ROBO3: variants seen among roughly 807,000 people sequenced by gnomAD.
The protein encoded by ROBO3 is roundabout homolog 3.
In ROBO3, 97 loss-of-function variants were observed where a neutral mutation model predicts 160.5. The observed-to-expected ratio is 0.60, with a 90% CI of 0.51 to 0.72. The LOEUF (loss-of-function observed/expected upper bound fraction) is 0.72. ROBO3 is among the 30% of genes least tolerant of loss of function. ROBO3 has a pLI of 0.00. For synonymous variants in ROBO3, 780 were observed against 746.2 expected (o/e 1.05, Z -0.74); for missense variants, 1,858 against 1,846.5 (o/e 1.01, Z -0.11).
rs762390813 is a variant in ROBO3, at chr11:124,877,880, C to G, written c.2987-57C>G. Reference sequence around the variant, plus strand: ...GTGGGATTTCCCTTTGTCTTCCATTCTGTTGTCCTCTATGTTTCTGTCTCT... The same window carrying G: ...GTGGGATTTCCCTTTGTCTTCCATTGTGTTGTCCTCTATGTTTCTGTCTCT... On this transcript the variant is annotated intron_variant, in intron 20 of 27. Coordinates refer to ENST00000397801, the MANE Select transcript of ROBO3 (RefSeq NM_022370.4). 10 of 1,290,590 alleles carry G rather than the reference C, an allele frequency of 7.7e-6. No individual in the cohort carries two copies. The African/African-American group carries it at 1.5e-4, about 19-fold the overall frequency. 79.9% of individuals were successfully genotyped at this position (1,290,590 alleles called of 1,614,324 possible).
Position 124,869,399 on chromosome 11 carries a change from AGTTAT to A in ROBO3, c.488-48_488-44del. On this transcript the variant is annotated intron_variant, in intron 2 of 27. Transcript: ENST00000397801. This position sits in a 1 kb window ranked among gnomAD's most constrained non-coding sequence, Gnocchi z 4.2. ...CAACACTTTCCCTGTGTCCTCAGCCAGTTATGTCACTCTACACCCTGCTTATTTCG... is the reference window on the plus strand; with the variant it reads ...CAACACTTTCCCTGTGTCCTCAGCCAGTCACTCTACACCCTGCTTATTTCG... 1 of 1,460,488 alleles carries A rather than the reference AGTTAT, an allele frequency of 6.8e-7. No individual in the cohort carries two copies. Among genetic ancestry groups the A allele is most frequent in the Non-Finnish European group, 9.4e-7 (1 of 1,066,310 alleles). The allele number at this position is 1,460,488 out of a possible 1,614,324, so 90.5% of individuals were successfully genotyped here.
chr11:124,878,892 A>T lies in ROBO3; in HGVS notation c.3533+96A>T. 9.1e-7 allele frequency: 1 copy of T among 1,098,414 alleles called. No homozygotes were observed. The allele number at this position is 1,098,414 out of a possible 1,614,324, so 68.0% of individuals were successfully genotyped here. On this transcript the variant is annotated intron_variant, in intron 23 of 27. Coordinates refer to ENST00000397801, the MANE Select transcript of ROBO3 (RefSeq NM_022370.4). The surrounding 1 kb of genome is among the most constrained non-coding windows in gnomAD (Gnocchi z 4.3). The stretch of plus-strand genomic sequence containing the variant: ...GGTGGATGGATGGATGGGTGGATGG[A>T]TCTGGGGTACAGAGGTCTCAGGGCT...
intron 12 of ROBO3, among the ~76,000 whole-genome samples, chr11:124,874,518 T>A (rs1346589272): frequency 6.6e-6 from 1 of 152,152 alleles, no homozygotes; most frequent in African/African-American, 2.4e-5. Flanking sequence ...TAGATAATAA[T>A]ATAGATTATT....
At position 124,872,896 on chromosome 11, in the gene ROBO3, G is replaced by A. The variant is rs1394056379; in HGVS notation, c.1343G>A (p.Gly448Glu). ...LLEIKGASLD[G>E]LPPVILQGPA... ...CTTCCTCTCTCAGCCTCTTTGGATG[G>A]GCTGCCTCCTGTCATCCTCCAGGGA... The change falls in exon 9 of 28, where the codon GGG (glycine) becomes GAG (glutamate). Residue 448 changes from glycine to glutamate, a missense_variant. Gly to Glu is a moderately conservative substitution (Grantham distance 98, BLOSUM62 -2). Coordinates refer to ENST00000397801, the MANE Select transcript of ROBO3 (RefSeq NM_022370.4). This position sits in a 1 kb window ranked among gnomAD's most constrained non-coding sequence, Gnocchi z 4.3. 3.7e-6 allele frequency: 6 copies of A among 1,605,622 alleles called. No individual in the cohort carries two copies. Among genetic ancestry groups the A allele is most frequent in the South Asian group, 1.1e-5 (1 of 90,006 alleles).
rs771701205 is a variant in ROBO3 at position 124,869,049 on chromosome 11, G to C, written c.408G>C (p.Pro136=). 3.7e-6 allele frequency: 6 copies of C among 1,602,710 alleles called. No homozygotes were observed. The South Asian group carries it at 6.7e-5, about 18-fold the overall frequency. The part of the protein sequence containing the change: ...PRIVHGRRAR[P]DEGVYTCVAR... ...TCGTGCACGGGCGCCGCGCGCGGCCGGACGAAGGTGTCTACACTTGCGTGG... is the reference window on the plus strand; with the variant it reads ...TCGTGCACGGGCGCCGCGCGCGGCCCGACGAAGGTGTCTACACTTGCGTGG... The change falls in exon 2 of 28, where the codon CCG becomes CCC. Residue 136 remains proline (P), a synonymous_variant. Transcript: ENST00000397801. The surrounding 1 kb of genome is among the most constrained non-coding windows in gnomAD (Gnocchi z 4.2).
chr11:124,870,292 G>A lies in ROBO3; in HGVS notation c.894G>A (p.Leu298=), dbSNP rs370655252. The A allele has an allele frequency of 1.2e-6, 2 of 1,613,642 alleles. No individual in the cohort carries two copies. Among genetic ancestry groups the A allele is most frequent in the Admixed American group, 1.7e-5 (1 of 59,946 alleles). The change falls in exon 5 of 28, where the codon CTG becomes CTA. Residue 298 remains leucine (L), a synonymous_variant. Coordinates refer to ENST00000397801, the MANE Select transcript of ROBO3 (RefSeq NM_022370.4). The part of the protein sequence containing the change: ...RLRWRKEDGE[L]PTGRYEIRSD... ...GCTGGCGCAAGGAGGATGGGGAACT[G>A]CCCACAGGCAGGTGAGAGACCCCCT...
At position 124,870,140 on chromosome 11, in the gene ROBO3, C is replaced by T. The variant is rs200775540; in HGVS notation, c.767-25C>T. The T allele has an allele frequency of 7.4e-6, 12 of 1,614,040 alleles. No homozygotes were observed. In the East Asian group the frequency reaches 2.7e-4, roughly 36 times the overall value. ...GTAAGTAGCCGTGCAGACACCCTGACTGTTCACTCACTACCACTCCATAGA... is the reference window on the plus strand; with the variant it reads ...GTAAGTAGCCGTGCAGACACCCTGATTGTTCACTCACTACCACTCCATAGA... On this transcript the variant is annotated intron_variant, in intron 4 of 27. Coordinates refer to ENST00000397801, the MANE Select transcript of ROBO3 (RefSeq NM_022370.4).
rs1946263153 is a variant in ROBO3 at position 124,870,260 on chromosome 11, C to T, written c.862C>T (p.Arg288Cys). ...LCEVKGDPPP[R>C]LRWRKEDGEL... ...TGAGGTGAAGGGGGATCCCCCACCT[C>T]GTCTACGCTGGCGCAAGGAGGATGG... is the stretch of plus-strand genomic sequence containing the variant. The change falls in exon 5 of 28, where the codon CGT (arginine) becomes TGT (cysteine). Residue 288 changes from arginine to cysteine, a missense_variant. Arg to Cys is a radical substitution (Grantham distance 180). Coordinates refer to ENST00000397801, the MANE Select transcript of ROBO3 (RefSeq NM_022370.4). 6.2e-6 allele frequency: 10 copies of T among 1,613,900 alleles called. No homozygotes were observed. The highest frequency in any genetic ancestry group is 1.6e-4 in the Middle Eastern group (1 of 6,084).
chr11:124,873,994 A>G lies in ROBO3; in HGVS notation c.1785-76A>G. 6.3e-7 allele frequency: 1 copy of G among 1,595,010 alleles called. No individual in the cohort carries two copies. The highest frequency in any genetic ancestry group is 8.6e-7 in the Non-Finnish European group (1 of 1,165,728). On this transcript the variant is annotated intron_variant, in intron 11 of 27. Transcript: ENST00000397801. The surrounding 1 kb of genome is among the most constrained non-coding windows in gnomAD (Gnocchi z 4.5). ...AGGGGAAGACATAATGGTCGTTCAT[A>G]GAGAGTGGATGAGATGGAGTAGGCA...
At position 124,873,795 on chromosome 11, in the gene ROBO3, A is replaced by G. The variant is rs2135330989; in HGVS notation, c.1717A>G (p.Thr573Ala). ...VVTEITKNSI[T>A]LTWKPNPQTG... ...CACTGAGATCACCAAGAACAGCATT[A>G]CCCTGACCTGGAAGCCCAACCCACA... The change falls in exon 11 of 28, where the codon ACC becomes GCC. Residue 573 changes from threonine (T) to alanine (A), a missense_variant. By Grantham distance (58) the Thr-to-Ala change is moderately conservative. Transcript: ENST00000397801. This position sits in a 1 kb window ranked among gnomAD's most constrained non-coding sequence, Gnocchi z 4.5. 1 of 1,613,786 alleles carries G rather than the reference A, an allele frequency of 6.2e-7. No individual in the cohort carries two copies. Among genetic ancestry groups the G allele is most frequent in the Non-Finnish European group, 8.5e-7 (1 of 1,179,796 alleles).
rs1430551243 is a variant in ROBO3 at position 124,873,591 on chromosome 11, A to G, written c.1619-106A>G. The G allele has an allele frequency of 1.7e-6, 2 of 1,146,900 alleles. No homozygotes were observed. The highest frequency in any genetic ancestry group is 3.1e-5 in the African/African-American group (2 of 64,770). The allele number at this position is 1,146,900 out of a possible 1,614,324, so 71.0% of individuals were successfully genotyped here. A position where few individuals can be genotyped will look rare whatever the true frequency, so the allele number is the denominator to read the frequency against. ...GGTTCATATACTATAGCCCACTCTG[A>G]CCATCACCGCAGCTCAGAGCTCCAT... On this transcript the variant is annotated intron_variant, in intron 10 of 27. Transcript: ENST00000397801. The surrounding 1 kb of genome is among the most constrained non-coding windows in gnomAD (Gnocchi z 4.5).
At position 124,870,047 on chromosome 11, in the gene ROBO3, G is replaced by A. The variant is rs1321444262; in HGVS notation, c.745G>A (p.Ala249Thr). 1 of 1,614,046 alleles carries A rather than the reference G, an allele frequency of 6.2e-7. No homozygotes were observed. Among genetic ancestry groups the A allele is most frequent in the Non-Finnish European group, 8.5e-7 (1 of 1,179,896 alleles). Residue 249 changes from alanine to threonine, a missense_variant, in exon 4 of 28, where the codon GCA (alanine) becomes ACA (threonine). Ala to Thr is a moderately conservative substitution (Grantham distance 58). Transcript: ENST00000397801. ...SNMAGERESAAAEVMVLERPS... is the reference protein window; with the variant it reads ...SNMAGERESATAEVMVLERPS... ...CATGGCGGGAGAACGGGAGAGTGCGGCAGCTGAAGTCATGGTACTGGGTAG... is the reference window on the plus strand; with the variant it reads ...CATGGCGGGAGAACGGGAGAGTGCGACAGCTGAAGTCATGGTACTGGGTAG...
chr11:124,867,773 G>A (rs1481499512), intron 1 of ROBO3, among the ~76,000 whole-genome samples: 2 of 151,290 alleles, frequency 1.3e-5, no homozygotes, highest in Non-Finnish European at 2.9e-5. Flanking sequence ...TTTGGAACAG[G>A]GTAGGAAGGG....
chr11:124,865,589 C>T lies in ROBO3; in HGVS notation c.12C>T (p.Tyr4=). Residue 4 remains tyrosine (Y), a synonymous_variant, in exon 1 of 28, where the codon TAC becomes TAT. Coordinates refer to ENST00000397801, the MANE Select transcript of ROBO3 (RefSeq NM_022370.4). The surrounding 1 kb of genome is among the most constrained non-coding windows in gnomAD (Gnocchi z 5.5). ...AGCTGGGTCGAGCCATGCTGCGCTA[C>T]CTGCTGAAAACGCTGCTGCAGATGA... MLR[Y]LLKTLLQMNL... The T allele has an allele frequency of 6.2e-7, 1 of 1,612,038 alleles. No homozygotes were observed. The highest frequency in any genetic ancestry group is 8.5e-7 in the Non-Finnish European group (1 of 1,179,730).
rs1165880701 is a variant in ROBO3 at position 124,880,595 on chromosome 11, A to G, written c.4136A>G (p.Gln1379Arg). ...CGGAGCCAGAGCCAAAGGCCAGGAC[A>G]GAAACGCCGAGAGGTAGGGGCCATA... ...QSRSQSQRPG[Q>R]KRREEPR Residue 1379 changes from glutamine (Q) to arginine (R), a missense_variant, in exon 27 of 28, where the codon CAG (glutamine) becomes CGG (arginine). Coordinates refer to ENST00000397801, the MANE Select transcript of ROBO3 (RefSeq NM_022370.4). 1.3e-6 allele frequency: 2 copies of G among 1,546,148 alleles called. No individual in the cohort carries two copies. The highest frequency in any genetic ancestry group is 1.7e-6 in the Non-Finnish European group (2 of 1,145,592).
chr11:124,873,863 G>A lies in ROBO3; in HGVS notation c.1784+1G>A, dbSNP rs777754966. On this transcript the variant is annotated splice_donor_variant, in intron 11 of 27. Coordinates refer to ENST00000397801, the MANE Select transcript of ROBO3 (RefSeq NM_022370.4). LOFTEE classifies it high-confidence loss of function. This position sits in a 1 kb window ranked among gnomAD's most constrained non-coding sequence, Gnocchi z 4.5. ...CGTCTTATGTGATAGAGGCCTTCAG[G>A]TATGGAGAAAGTTTTGAATGCAAAC... 2.5e-6 allele frequency: 4 copies of A among 1,612,504 alleles called. No individual in the cohort carries two copies. Among genetic ancestry groups the A allele is most frequent in the Admixed American group, 3.3e-5 (2 of 59,736 alleles).
chr11:124,873,075 A>C lies in ROBO3; in HGVS notation c.1522A>C (p.Ile508Leu). 6.2e-7 allele frequency: 1 copy of C among 1,613,686 alleles called. No homozygotes were observed. Among genetic ancestry groups the C allele is most frequent in the Non-Finnish European group, 8.5e-7 (1 of 1,179,730 alleles). The change falls in exon 9 of 28, where the codon ATC (isoleucine) becomes CTC (leucine). Residue 508 changes from isoleucine (I) to leucine (L), a missense_variant. Coordinates refer to ENST00000397801, the MANE Select transcript of ROBO3 (RefSeq NM_022370.4). This position sits in a 1 kb window ranked among gnomAD's most constrained non-coding sequence, Gnocchi z 4.5. Reference sequence around the variant, plus strand: ...GACAATGGCCAACGGTACCCTGTACATCGCCAATGTGCAGGTGAGTGTCAC... The same window carrying C: ...GACAATGGCCAACGGTACCCTGTACCTCGCCAATGTGCAGGTGAGTGTCAC... ...FKTMANGTLY[I>L]ANVQEMDMGF...
Position 124,879,877 on chromosome 11 carries a change from G to T in ROBO3, c.3887G>T (p.Arg1296Leu), listed in dbSNP as rs200474790. 7.4e-6 allele frequency: 12 copies of T among 1,612,804 alleles called. No individual in the cohort carries two copies. The Admixed American group carries it at 1.3e-4, about 18-fold the overall frequency. The change falls in exon 26 of 28, where the codon CGG becomes CTG. Residue 1296 changes from arginine (R) to leucine (L), a missense_variant. Arg to Leu is a moderately radical substitution (Grantham distance 102). Coordinates refer to ENST00000397801, the MANE Select transcript of ROBO3 (RefSeq NM_022370.4). ...RAAGSMSSLE[R>L]ERSGERKAVQ... ...GCAGGCAGCATGTCCTCCCTGGAGC[G>T]GGAGCGCAGTGGGGAGAGGAAAGCG...
At position 124,865,820 on chromosome 11, in the gene ROBO3, C is replaced by T. The variant is rs1946188905; in HGVS notation, c.160+83C>T. ...GGCGTGGAAGGGAAGGAGAAGCGCT[C>T]CTGTCCCGAGGTCCGGGATTGAGTG... On this transcript the variant is annotated intron_variant, in intron 1 of 27. Transcript: ENST00000397801. This position sits in a 1 kb window ranked among gnomAD's most constrained non-coding sequence, Gnocchi z 5.5. 2.8e-6 allele frequency: 4 copies of T among 1,432,786 alleles called. No individual in the cohort carries two copies. In the South Asian group the frequency reaches 4.1e-5, roughly 15 times the overall value. 88.8% of individuals were successfully genotyped at this position (1,432,786 alleles called of 1,614,324 possible).
Sources: gnomAD v4.1 joint callset for allele counts (sites outside exome capture counted in the v4.1 genomes callset) on GRCh38, gnomAD v4.1.1 for gene constraint, Gnocchi (gnomAD v3.1) non-coding constraint, MANE v1.5 for transcripts, NCBI Gene and HGNC (gene_info 2026-07-23, HGNC 2026-07-21) for gene names.